CDYL: variants seen among roughly 807,000 people sequenced by gnomAD.
The protein encoded by CDYL is chromodomain Y like.
Under a neutral mutation model 47.3 loss-of-function variants are expected in CDYL, and 8 were observed. The observed-to-expected ratio is 0.17, with a 90% CI of 0.10 to 0.31. CDYL has a LOEUF of 0.31. CDYL is among the 10% of genes least tolerant of loss of function. CDYL has a pLI of 1.00. For synonymous variants in CDYL, 266 were observed against 265.0 expected (o/e 1.00, Z -0.04); for missense variants, 471 against 701.4 (o/e 0.67, Z 3.71).
intron 2 of CDYL, among the ~76,000 whole-genome samples, chr6:4,930,792 G>T (rs569397606): frequency 6.6e-6 from 1 of 152,254 alleles, no homozygotes; most frequent in East Asian, 1.9e-4. Flanking sequence ...ACTAAAATAG[G>T]TTTCTTTCCT....
chr6:4,879,552 G>GTTT (rs59685693), intron 1 of CDYL, among the ~76,000 whole-genome samples: 73 of 106,144 alleles, frequency 6.9e-4, no homozygotes, highest in East Asian at 1.6e-3. Context: ...TTTTTGTGGG[G>GTTT]TTTTTTTTTT....
chr6:4,861,942 T>A (rs1761181411), intron 1 of CDYL, among the ~76,000 whole-genome samples: 1 of 152,236 alleles, frequency 6.6e-6, no homozygotes, highest in African/African-American at 2.4e-5. Flanking sequence ...GTACAAAGTG[T>A]ACATTCCCCA....
chr6:4,911,952 C>T (rs918606088), intron 2 of CDYL, among the ~76,000 whole-genome samples: 2 of 152,276 alleles, frequency 1.3e-5, no homozygotes, highest in Middle Eastern at 3.4e-3. Context: ...GAGACAAAAC[C>T]GGTTAACGGC....
At chr6:4,869,464 T>C (rs569747734) in intron 1 of CDYL, among the ~76,000 whole-genome samples, 1 of 152,318 alleles carries the variant, frequency 6.6e-6, no homozygotes, top group Non-Finnish European at 1.5e-5. Context: ...GTTATTGATA[T>C]GGTTGGTTTT....
intron 5 of CDYL, among the ~76,000 whole-genome samples, chr6:4,945,883 C>A (rs1200830292): frequency 6.6e-6 from 1 of 152,272 alleles, no homozygotes; most frequent in African/African-American, 2.4e-5. Flanking sequence ...TGAGGCACCC[C>A]ATGCTGGTGG....
intron 2 of CDYL, among the ~76,000 whole-genome samples, chr6:4,906,619 G>A (rs1757245305): frequency 6.6e-6 from 1 of 152,174 alleles, no homozygotes; most frequent in Non-Finnish European, 1.5e-5. Flanking sequence ...GGACTTCAAA[G>A]GGAAAGTAAG....
intron 2 of CDYL, among the ~76,000 whole-genome samples, chr6:4,896,685 C>CA (rs1762293530): frequency 6.6e-6 from 1 of 152,230 alleles, no homozygotes; most frequent in Admixed American, 6.5e-5. Context: ...GGTCCACACT[C>CA]AGACACTTTT....
In CDYL at chr6:4,892,732, C is replaced by T. The variant is rs369692094; in HGVS notation, c.691+353C>T. Reference sequence around the variant, plus strand: ...GTGCTGAGTCTTGTCTCGTGTTAAGCGTTTTCTTCTAAGTGTGGCCAGCAT... The same window carrying T: ...GTGCTGAGTCTTGTCTCGTGTTAAGTGTTTTCTTCTAAGTGTGGCCAGCAT... On this transcript the variant is annotated intron_variant, in intron 2 of 6. Transcript: ENST00000397588. Among the ~76,000 whole-genome samples, 22 of 152,186 alleles carry T rather than the reference C, an allele frequency of 1.4e-4. 1 individual carries two copies. The highest frequency in any genetic ancestry group is 9.2e-4 in the Admixed American group (14 of 15,284).
chr6:4,845,238 T>A (rs982084198), intron 1 of CDYL, among the ~76,000 whole-genome samples: 1 of 152,220 alleles, frequency 6.6e-6, no homozygotes, highest in Non-Finnish European at 1.5e-5. Flanking sequence ...AAAGTTTTGA[T>A]CAAAATTTCC....
intron 2 of CDYL, among the ~76,000 whole-genome samples, chr6:4,725,363 G>A (rs1167746402): frequency 6.6e-6 from 1 of 152,240 alleles, no homozygotes; most frequent in African/African-American, 2.4e-5. Context: ...GATGGGACTG[G>A]GCGCCGTGGA....
At chr6:4,871,677 G>A (rs1761478689) in intron 1 of CDYL, among the ~76,000 whole-genome samples, 1 of 152,082 alleles carries the variant, frequency 6.6e-6, no homozygotes, top group South Asian at 2.1e-4. Context: ...AGTGGGTTGG[G>A]ATTTTTTGTA....
intron 2 of CDYL, among the ~76,000 whole-genome samples, chr6:4,899,337 G>T (rs1224245408): frequency 6.6e-6 from 1 of 152,208 alleles, no homozygotes; most frequent in Non-Finnish European, 1.5e-5. Flanking sequence ...TTTAATTGGT[G>T]TTTTAAATTT....
At chr6:4,730,189 G>A (rs1281969935) in intron 2 of CDYL, among the ~76,000 whole-genome samples, 8 of 152,108 alleles carry the variant, frequency 5.3e-5, no homozygotes, top group Non-Finnish European at 1.0e-4. Flanking sequence ...ACTTAATTCT[G>A]TGTTTTTCTG....
intron 2 of CDYL, among the ~76,000 whole-genome samples, chr6:4,930,921 T>A (rs1452636057): frequency 6.6e-6 from 1 of 152,248 alleles, no homozygotes; most frequent in Non-Finnish European, 1.5e-5. Flanking sequence ...AGAGTCATCG[T>A]TCCAGGGGAG....
chr6:4,772,840 A>C (rs1758357089), upstream of CDYL: 1 of 301,586 alleles, frequency 3.3e-6, no homozygotes, highest in East Asian at 8.5e-5. Flanking sequence ...CAACCATAAA[A>C]CGCCTTTGGC....
At position 4,754,503 on chromosome 6, in the gene CDYL, G is replaced by A. The variant is rs115870900; in HGVS notation, c.186+19659G>A. Among the ~76,000 whole-genome samples the A allele has an allele frequency of 4.2e-3, 646 of 152,254 alleles. 8 individuals are homozygous for A. The highest frequency in any genetic ancestry group is 0.015 in the African/African-American group (605 of 41,558). On this transcript the variant is annotated intron_variant, in intron 3 of 8. Coordinates refer to the CDYL transcript ENST00000328908. ...CTCAGTCCGTTGAGCTGTATCATTT[G>A]GGTTTTGTGACAATTTGGACAAAGA...
intron 2 of CDYL, among the ~76,000 whole-genome samples, chr6:4,725,327 C>T (rs1262750114): frequency 1.3e-5 from 2 of 152,258 alleles, no homozygotes; most frequent in Middle Eastern, 3.2e-3. Flanking sequence ...GCCTGTGCGC[C>T]CACACTCCTC....
At chr6:4,953,421 CT>C (rs1042177141) in intron 6 of CDYL, among the ~76,000 whole-genome samples, 27 of 151,934 alleles carry the variant, frequency 1.8e-4, no homozygotes, top group African/African-American at 6.3e-4. Context: ...TTAAAATATG[CT>C]TGTAACAAAA....
At chr6:4,762,945 C>A (rs1758198286) in intron 3 of CDYL, among the ~76,000 whole-genome samples, 1 of 151,958 alleles carries the variant, frequency 6.6e-6, no homozygotes, top group Non-Finnish European at 1.5e-5. Context: ...TCCTAGGAAA[C>A]CCAACCAGGA....
Sources: gnomAD v4.1 joint callset for allele counts (sites outside exome capture counted in the v4.1 genomes callset) on GRCh38, gnomAD v4.1.1 for gene constraint, MANE v1.5 for transcripts, NCBI Gene and HGNC (gene_info 2026-07-23, HGNC 2026-07-21) for gene names.